NFKBIB: variants seen among roughly 807,000 people sequenced by gnomAD.
The protein encoded by NFKBIB is NF-kappa-B inhibitor beta.
NFKBIB carries 16 observed loss-of-function variants against 32.1 expected under a neutral mutation model. The observed-to-expected ratio is 0.50, with a 90% CI of 0.34 to 0.76. The LOEUF is 0.76. Ranked by LOEUF, NFKBIB falls within the 30% of genes least tolerant of loss-of-function variation. NFKBIB has a pLI of 0.01. For synonymous variants in NFKBIB, 222 were observed against 219.5 expected, an observed-to-expected ratio of 1.01 and a Z score of -0.10; for missense variants, 437 against 514.9, an observed-to-expected ratio of 0.85 and a Z score of 1.46.
At chr19:38,903,286 TTTA>T (rs1161995832) in intron 1 of NFKBIB, among the ~76,000 whole-genome samples, 1 of 151,442 alleles carries the variant, frequency 6.6e-6, no homozygotes, top group African/African-American at 2.4e-5. Flanking sequence ...TTTATTTTAT[TTTA>T]TTATTATTAT....
chr19:38,903,089 CA>C (rs1175569624), intron 1 of NFKBIB, among the ~76,000 whole-genome samples: 1 of 151,384 alleles, frequency 6.6e-6, no homozygotes, highest in African/African-American at 2.4e-5. Flanking sequence ...AACAAACAAA[CA>C]AAAAAAGAAA....
rs575750550 is a variant in NFKBIB, at chr19:38,907,600, G to A, written c.910G>A (p.Glu304Lys). The change falls in exon 5 of 6, where the codon GAG becomes AAG. Residue 304 changes from glutamate to lysine, a missense_variant. Physicochemically the swap from Glu to Lys is moderately conservative, Grantham distance 56. Coordinates refer to ENST00000313582, the MANE Select transcript of NFKBIB (RefSeq NM_002503.5). ...ACACGGAGCCCCTGAGCCCGAGGGC[G>A]AGGACGAGAAATCCGGCCCCTGCAG... ...RAHGAPEPEGEDEKSGPCSSS... is the reference protein window; with the variant it reads ...RAHGAPEPEGKDEKSGPCSSS... 9 of 1,611,726 alleles carry A rather than the reference G, an allele frequency of 5.6e-6. No homozygotes were observed. Among genetic ancestry groups the A allele is most frequent in the East Asian group, 2.2e-5 (1 of 44,838 alleles).
At chr19:38,908,218 T>C in intron 5 of NFKBIB, 1 of 992,310 alleles carries the variant, frequency 1.0e-6, no homozygotes, top group Non-Finnish European at 1.2e-6. Flanking sequence ...GGCGGCTGGC[T>C]AGAAATTGGT....
chr19:38,901,360 A>T (rs575517636), intron 1 of NFKBIB, among the ~76,000 whole-genome samples: 1 of 152,110 alleles, frequency 6.6e-6, no homozygotes, highest in African/African-American at 2.4e-5. Flanking sequence ...CAGTGGCATG[A>T]TCATGGCTTA....
chr19:38,905,033 G>A lies in NFKBIB; in HGVS notation c.198G>A (p.Val66=), dbSNP rs759503597. The part of the protein sequence containing the change: ...EDGDTALHLA[V]IHQHEPFLDF... ...TCCCCAGGGCACTGCACTTGGCTGT[G>A]ATTCATCAGCATGAACCCTTCCTGG... The change falls in exon 2 of 6, where the codon GTG becomes GTA. Residue 66 remains valine, a synonymous_variant. Coordinates refer to ENST00000313582, the MANE Select transcript of NFKBIB (RefSeq NM_002503.5). The surrounding 1 kb of genome is among the most constrained non-coding windows in gnomAD (Gnocchi z 5.5). The A allele has an allele frequency of 1.2e-6, 2 of 1,614,158 alleles. No individual in the cohort carries two copies. The highest frequency in any genetic ancestry group is 2.2e-5 in the South Asian group (2 of 91,074).
intron 1 of NFKBIB, 67 bp from the exon 2 acceptor site, chr19:38,904,948 T>C (rs1423145251): frequency 1.4e-6 from 2 of 1,474,228 alleles, no homozygotes; most frequent in East Asian, 2.3e-5. Context: ...AGGCGCCCCA[T>C]GTTTGTTCAA....
intron 3 of NFKBIB, 80 bp from the exon 4 acceptor site, chr19:38,907,138 CATG>C: frequency 7.7e-7 from 1 of 1,297,592 alleles, no homozygotes; most frequent in Non-Finnish European, 1.1e-6. Context: ...CCTCACGCCA[CATG>C]ACCCTCCCCC....
At chr19:38,908,238 T>A (rs1974209397) in intron 5 of NFKBIB, 1 of 992,084 alleles carries the variant, frequency 1.0e-6, no homozygotes, top group Non-Finnish European at 1.2e-6. Flanking sequence ...TCTGTAGAAA[T>A]GACCTTGAAA....
chr19:38,908,675 T>G, intron 5 of NFKBIB, 56 bp from the exon 6 acceptor site: 1 of 1,571,476 alleles, frequency 6.4e-7, no homozygotes, highest in South Asian at 1.2e-5. Flanking sequence ...AGGACATGGG[T>G]GGTGGGCAAA....
At chr19:38,908,488 T>C in intron 5 of NFKBIB, 1 of 1,150,302 alleles carries the variant, frequency 8.7e-7, no homozygotes, top group Non-Finnish European at 1.1e-6. Flanking sequence ...GCAGTGAACC[T>C]AGATCACGCC....
chr19:38,908,870 C>T lies in NFKBIB; in HGVS notation c.*38C>T, dbSNP rs1429595310. ...TTAATATAATTTCCAGTTTAATAAA[C>T]AAAACCCTAGTTCTGACAACCAGAG... is the stretch of plus-strand genomic sequence containing the variant. On this transcript the variant is annotated 3_prime_UTR_variant, in exon 6 of 6. Coordinates refer to ENST00000313582, the MANE Select transcript of NFKBIB (RefSeq NM_002503.5). 6.2e-7 allele frequency: 1 copy of T among 1,610,372 alleles called. No individual in the cohort carries two copies. The highest frequency in any genetic ancestry group is 8.5e-7 in the Non-Finnish European group (1 of 1,178,898).
upstream of NFKBIB, chr19:38,899,668 A>G (rs1033274124): frequency 4.6e-6 from 5 of 1,083,296 alleles, no homozygotes; most frequent in Non-Finnish European, 7.0e-6. Context: ...GATAGGGCAC[A>G]GAACTACAAC....
chr19:38,906,466 GTTT>G (rs59286558), intron 3 of NFKBIB, among the ~76,000 whole-genome samples: 23 of 75,316 alleles, frequency 3.1e-4, no homozygotes, highest in Admixed American at 3.6e-4. Flanking sequence ...TTAATTTAAG[GTTT>G]TTTTTTTTTT....
At chr19:38,901,775 G>A (rs1973973746) in intron 1 of NFKBIB, among the ~76,000 whole-genome samples, 2 of 152,118 alleles carry the variant, frequency 1.3e-5, no homozygotes, top group Admixed American at 6.5e-5. Context: ...TTACAGGTGT[G>A]AGCCACTGTG....
At chr19:38,900,603 G>T (rs1973919981) in intron 1 of NFKBIB, among the ~76,000 whole-genome samples, 1 of 151,954 alleles carries the variant, frequency 6.6e-6, no homozygotes, top group Non-Finnish European at 1.5e-5. Flanking sequence ...ATTAATACTT[G>T]GTCCCTGACT....
chr19:38,904,923 G>T, intron 1 of NFKBIB, 92 bp from the exon 2 acceptor site: 1 of 1,179,374 alleles, frequency 8.5e-7, no homozygotes, highest in Non-Finnish European at 1.2e-6. Flanking sequence ...GTGGTCACAA[G>T]GCCTAGCATA....
In NFKBIB at chr19:38,905,222, C is replaced by T; in HGVS notation, c.306C>T (p.Ala102=). The T allele has an allele frequency of 6.3e-7, 1 of 1,590,828 alleles. No homozygotes were observed. The highest frequency in any genetic ancestry group is 8.6e-7 in the Non-Finnish European group (1 of 1,168,280). ...DLGQTALHLA[A]ILGETSTVEK... ...TGCAGACAGCCCTGCACCTGGCAGC[C>T]ATCCTGGGGGAGACATCCACGGTGG... Residue 102 remains alanine, a synonymous_variant, in exon 3 of 6, where the codon GCC becomes GCT. Transcript: ENST00000313582. This position sits in a 1 kb window ranked among gnomAD's most constrained non-coding sequence, Gnocchi z 5.5.
intron 1 of NFKBIB, among the ~76,000 whole-genome samples, chr19:38,902,085 C>CTTTTTTTTTTTTTTTTTTTTTTTTTTTTT (rs74176475): frequency 2.2e-5 from 2 of 92,364 alleles, no homozygotes; most frequent in African/African-American, 7.9e-5. Flanking sequence ...CATTTTATTT[C>CTTTTTTTTTTTTTTTTTTTTTTTTTTTTT]TTTTTTTTTT....
At position 38,907,448 on chromosome 19, in the gene NFKBIB, C is replaced by T; in HGVS notation, c.758C>T (p.Ala253Val). Residue 253 changes from alanine (A) to valine (V), a missense_variant, in exon 5 of 6, where the codon GCA (alanine) becomes GTA (valine). By Grantham distance (64) the Ala-to-Val change is moderately conservative. Transcript: ENST00000313582. ...SPLHLAVEAQ[A>V]ADVLELLLRA... The stretch of plus-strand genomic sequence containing the variant: ...CTTCATTTGGCAGTGGAGGCCCAGG[C>T]AGCCGATGTGCTGGAGCTTCTCCTG... 6.2e-7 allele frequency: 1 copy of T among 1,605,332 alleles called. No individual in the cohort carries two copies. Among genetic ancestry groups the T allele is most frequent in the Non-Finnish European group, 8.5e-7 (1 of 1,174,246 alleles).
Sources: gnomAD v4.1 joint callset for allele counts (sites outside exome capture counted in the v4.1 genomes callset) on GRCh38, gnomAD v4.1.1 for gene constraint, Gnocchi (gnomAD v3.1) non-coding constraint, MANE v1.5 for transcripts, NCBI Gene and HGNC (gene_info 2026-07-23, HGNC 2026-07-21) for gene names.